LRP1B: variants seen among roughly 807,000 people sequenced by gnomAD.
LRP1B encodes LDL receptor related protein 1B.
Under a neutral mutation model 556.6 loss-of-function variants are expected in LRP1B, and 217 were observed. The ratio of observed to expected loss-of-function variants is 0.39; its 90% CI spans 0.35 to 0.44. LRP1B has a LOEUF of 0.44. LRP1B is among the 20% of genes least tolerant of loss of function. The pLI, the probability that LRP1B is intolerant of heterozygous loss-of-function variation, is 1.00. For missense variants in LRP1B, 5,053 were observed against 5,620.8 expected (o/e 0.90, Z 3.23); for synonymous variants, 2,047 against 1,865.8 (o/e 1.10, Z -2.50).
chr2:141,499,099 T>C (rs1444953453), intron 2 of LRP1B, among the ~76,000 whole-genome samples: 1 of 152,080 alleles, frequency 6.6e-6, no homozygotes, highest in Non-Finnish European at 1.5e-5. Flanking sequence ...GTTAATAATG[T>C]GGTTAACATG....
At chr2:141,481,824 G>A (rs1682928553) in intron 2 of LRP1B, among the ~76,000 whole-genome samples, 1 of 152,130 alleles carries the variant, frequency 6.6e-6, no homozygotes, top group South Asian at 2.1e-4. Context: ...GTTGTGGTGA[G>A]GATTCTATCA....
intron 3 of LRP1B, among the ~76,000 whole-genome samples, chr2:141,322,933 T>A (rs921292260): frequency 2.0e-5 from 3 of 152,126 alleles, no homozygotes; most frequent in African/African-American, 2.4e-5. Flanking sequence ...AACTTACATA[T>A]TATCTGAGCT....
intron 13 of LRP1B, 141 bp from the exon 14 acceptor site, chr2:141,013,886 T>C (rs764452601): frequency 4.1e-4 from 207 of 501,672 alleles, no homozygotes; most frequent in Admixed American, 7.8e-4. Flanking sequence ...ATTTAAAAAA[T>C]GGATTTCACA....
At chr2:141,328,853 G>C (rs1383870989) in intron 3 of LRP1B, among the ~76,000 whole-genome samples, 4 of 152,140 alleles carry the variant, frequency 2.6e-5, no homozygotes, top group Admixed American at 2.0e-4. Flanking sequence ...GAGGGGGTGG[G>C]AGGTGGTTGT....
At chr2:141,638,029 C>G in intron 2 of LRP1B, among the ~76,000 whole-genome samples, 1 of 151,978 alleles carries the variant, frequency 6.6e-6, no homozygotes, top group East Asian at 1.9e-4. Context: ...GGCAAAATCC[C>G]ATCTCTACAA....
intron 32 of LRP1B, among the ~76,000 whole-genome samples, chr2:140,790,223 A>G (rs979842662): frequency 1.3e-4 from 20 of 152,164 alleles, no homozygotes; most frequent in Non-Finnish European, 2.8e-4. Flanking sequence ...TAGATATATA[A>G]TGATGAATTA....
chr2:140,810,976 C>T (rs1486239941), intron 32 of LRP1B, among the ~76,000 whole-genome samples: 4 of 152,160 alleles, frequency 2.6e-5, no homozygotes, highest in Non-Finnish European at 5.9e-5. Context: ...ACCTCATGAT[C>T]TGCCTGGCCC....
chr2:140,665,227 C>T lies in LRP1B; in HGVS notation c.6799+35023G>A, dbSNP rs114826377. ...TTACTTTTATTCATAGAAATTTGGACGAAGTTGTCAAATATTTTTTTCTCC... is the reference window on the plus strand; with the variant it reads ...TTACTTTTATTCATAGAAATTTGGATGAAGTTGTCAAATATTTTTTTCTCC... On this transcript the variant is annotated intron_variant, in intron 41 of 90. Coordinates refer to ENST00000389484, the MANE Select transcript of LRP1B (RefSeq NM_018557.3). Among the ~76,000 whole-genome samples, 574 of 152,182 alleles carry T rather than the reference C, an allele frequency of 3.8e-3. 2 individuals are homozygous for T. The highest frequency in any genetic ancestry group is 0.013 in the African/African-American group (543 of 41,536).
rs78024173 is a variant in LRP1B, at chr2:141,595,579, C to T, written c.206-115046G>A. Among the ~76,000 whole-genome samples the T allele has an allele frequency of 6.5e-3, 992 of 152,122 alleles. 26 individuals are homozygous for T. Among genetic ancestry groups the T allele is most frequent in the Admixed American group, 0.053 (815 of 15,264 alleles). ...TGTATAATTTATTTTGTTACTCATA[C>T]GCTATCATTCTTTTATGTAATGTTT... On this transcript the variant is annotated intron_variant, in intron 2 of 90. Coordinates refer to ENST00000389484, the MANE Select transcript of LRP1B (RefSeq NM_018557.3).
At chr2:141,723,569 G>C (rs1046237932) in intron 2 of LRP1B, among the ~76,000 whole-genome samples, 1 of 151,596 alleles carries the variant, frequency 6.6e-6, no homozygotes, top group African/African-American at 2.4e-5. Flanking sequence ...AGAAAAGGCA[G>C]GGCATTTATA....
At chr2:141,211,150 G>A (rs991654348) in intron 6 of LRP1B, among the ~76,000 whole-genome samples, 3 of 151,782 alleles carry the variant, frequency 2.0e-5, no homozygotes, top group Admixed American at 1.3e-4. Flanking sequence ...ACCATGCTCA[G>A]CTAATTTTGG....
At chr2:141,604,101 T>G (rs1413166516) in intron 2 of LRP1B, among the ~76,000 whole-genome samples, 1 of 152,178 alleles carries the variant, frequency 6.6e-6, no homozygotes, top group Non-Finnish European at 1.5e-5. Flanking sequence ...AACTTCTGTG[T>G]ATGAAATGTA....
chr2:140,491,746 T>C (rs1688709835), intron 57 of LRP1B, among the ~76,000 whole-genome samples: 1 of 152,096 alleles, frequency 6.6e-6, no homozygotes, highest in Non-Finnish European at 1.5e-5. Flanking sequence ...ATTAAATTTT[T>C]GTTAGTTTTT....
At chr2:140,785,032 A>C (rs1689846914) in intron 32 of LRP1B, among the ~76,000 whole-genome samples, 1 of 152,152 alleles carries the variant, frequency 6.6e-6, no homozygotes, top group Non-Finnish European at 1.5e-5. Context: ...TGCCAGAATA[A>C]AGAGAGAAAA....
At chr2:140,533,897 C>T in intron 47 of LRP1B, 124 bp downstream of exon 47, 2 of 975,934 alleles carry the variant, frequency 2.0e-6, no homozygotes, top group Admixed American at 5.0e-5. Context: ...CAGCATTTAC[C>T]AAAGTGTGAT....
intron 1 of LRP1B, among the ~76,000 whole-genome samples, chr2:142,102,542 TTAAAA>T (rs1706604236): frequency 8.4e-6 from 1 of 119,210 alleles, no homozygotes; most frequent in African/African-American, 2.7e-5. Context: ...GGTGAAAAAA[TTAAAA>T]TAAAATAAAA....
At chr2:140,271,754 A>G (rs1396988206) in intron 85 of LRP1B, among the ~76,000 whole-genome samples, 1 of 151,898 alleles carries the variant, frequency 6.6e-6, no homozygotes, top group Non-Finnish European at 1.5e-5. Context: ...AGACTATCCC[A>G]TCCTTTATAA....
chr2:141,273,996 T>A (rs759255777), intron 3 of LRP1B, among the ~76,000 whole-genome samples: 1 of 152,128 alleles, frequency 6.6e-6, no homozygotes, highest in Non-Finnish European at 1.5e-5. Flanking sequence ...CAAATGTAAA[T>A]CAAAACCACA....
intron 3 of LRP1B, among the ~76,000 whole-genome samples, chr2:141,280,865 G>T (rs1685484478): frequency 6.6e-6 from 1 of 151,900 alleles, no homozygotes; most frequent in African/African-American, 2.4e-5. Context: ...TGATTAGAGA[G>T]TTTGCCAAAT....
Sources: allele counts gnomAD v4.1 joint callset (sites outside exome capture counted in the v4.1 genomes callset), GRCh38; gene constraint gnomAD v4.1.1; transcripts MANE v1.5; gene names NCBI Gene and HGNC (gene_info 2026-07-23, HGNC 2026-07-21).